The following RBBP8 variants were observed in gnomAD, a reference collection of about 807,000 sequenced individuals.
The protein encoded by RBBP8 is RB binding protein 8, endonuclease.
In RBBP8, 88 loss-of-function variants were observed where a neutral mutation model predicts 108.3. The observed-to-expected ratio is 0.81, with a 90% CI of 0.68 to 0.97. RBBP8 has a LOEUF of 0.97. RBBP8 is among the 50% of genes least tolerant of loss of function. The pLI is 0.00. For missense variants in RBBP8, 1,023 were observed against 1,049.0 expected (o/e 0.98, Z 0.34); for synonymous variants, 332 against 348.2 (o/e 0.95, Z 0.52).
chr18:23,006,369 G>T lies in RBBP8; in HGVS notation c.2294G>T (p.Gly765Val), dbSNP rs1472778923. 3.1e-6 allele frequency: 5 copies of T among 1,612,496 alleles called. No homozygotes were observed. Among genetic ancestry groups the T allele is most frequent in the Non-Finnish European group, 4.2e-6 (5 of 1,178,768 alleles). The change falls in exon 16 of 19, where the codon GGT (glycine) becomes GTT (valine). Residue 765 changes from glycine (G) to valine (V), a missense_variant. Physicochemically the swap from Gly to Val is moderately radical, Grantham distance 109 (BLOSUM62 -3). Transcript: ENST00000327155. ...STATKKLHTH[G>V]DKQDKVKQKA... is the part of the protein sequence containing the mutation. ...GTGCATGTTTTATTTATAGCTCATG[G>T]TGATAAACAAGACAAAGTCAAGCAG...
chr18:22,994,467 C>T (rs2045817113), intron 12 of RBBP8, among the ~76,000 whole-genome samples: 1 of 148,432 alleles, frequency 6.7e-6, no homozygotes. Flanking sequence ...GTGGTGAAAC[C>T]CCATCTCTAC....
upstream of RBBP8, among the ~76,000 whole-genome samples, chr18:22,932,970 C>G (rs1024640607): frequency 6.6e-6 from 1 of 152,232 alleles, no homozygotes; most frequent in Non-Finnish European, 1.5e-5. Context: ...TTAGACGGAT[C>G]CGCGTCCATA....
At chr18:22,968,597 A>G (rs1379961243) in intron 4 of RBBP8, among the ~76,000 whole-genome samples, 1 of 152,216 alleles carries the variant, frequency 6.6e-6, no homozygotes, top group Admixed American at 6.5e-5. Context: ...AAATTGGCAG[A>G]TTTTTATAGA....
chr18:22,947,355 C>G (rs1489786904), intron 3 of RBBP8, among the ~76,000 whole-genome samples: 2 of 151,864 alleles, frequency 1.3e-5, no homozygotes, highest in Non-Finnish European at 2.9e-5. Context: ...CTATCCCTCC[C>G]TATAGATCCC....
Position 22,915,070 on chromosome 18 carries a change from T to C in RBBP8, c.-305-350T>C, listed in dbSNP as rs1209288170. ...CCTTTAGATTTATGTTGGCATACCATCCTACCCCTTTATTTACTGATATTA... is the reference window on the plus strand; with the variant it reads ...CCTTTAGATTTATGTTGGCATACCACCCTACCCCTTTATTTACTGATATTA... On this transcript the variant is annotated intron_variant, in intron 1 of 4. Coordinates refer to the RBBP8 transcript ENST00000577588. Among the ~76,000 whole-genome samples, 4 of 152,178 alleles carry C rather than the reference T, an allele frequency of 2.6e-5. No individual in the cohort carries two copies. In the South Asian group the frequency reaches 6.2e-4, roughly 24 times the overall value.
chr18:22,925,349 G>A (rs1909754588), intron 3 of RBBP8, among the ~76,000 whole-genome samples: 3 of 152,080 alleles, frequency 2.0e-5, no homozygotes, highest in Admixed American at 6.5e-5. Flanking sequence ...AGTACTGAAC[G>A]TTGAACATAA....
intron 4 of RBBP8, among the ~76,000 whole-genome samples, chr18:22,968,306 C>T (rs897268478): frequency 6.6e-6 from 1 of 151,838 alleles, no homozygotes; most frequent in Non-Finnish European, 1.5e-5. Flanking sequence ...CTCCTGACCT[C>T]ATGATCCTGT....
chr18:22,984,083 A>T (rs532236498), intron 7 of RBBP8, among the ~76,000 whole-genome samples: 2 of 151,990 alleles, frequency 1.3e-5, no homozygotes, highest in South Asian at 4.2e-4. Flanking sequence ...TCCATCTCAA[A>T]AATAATAATA....
At chr18:22,935,491 A>G (rs930485754) in intron 1 of RBBP8, among the ~76,000 whole-genome samples, 2 of 152,052 alleles carry the variant, frequency 1.3e-5, no homozygotes, top group African/African-American at 2.4e-5. Flanking sequence ...ATTTTTTAAA[A>G]GTCTAATCAC....
Position 22,991,011 on chromosome 18 carries a change from T to C in RBBP8, c.882T>C (p.Pro294=), listed in dbSNP as rs747542658. Reference sequence around the variant, plus strand: ...TGGAAGGAAATCACAAGAAACAGCCTTTTGAGGAATCTACAAGAAATACTG... The same window carrying C: ...TGGAAGGAAATCACAAGAAACAGCCCTTTGAGGAATCTACAAGAAATACTG... ...HCLEGNHKKQ[P]FEESTRNTED... The change falls in exon 10 of 19, where the codon CCT becomes CCC. Residue 294 remains proline, a synonymous_variant. Transcript: ENST00000327155. 6.2e-7 allele frequency: 1 copy of C among 1,613,574 alleles called. No homozygotes were observed. The highest frequency in any genetic ancestry group is 8.5e-7 in the Non-Finnish European group (1 of 1,179,636).
chr18:23,026,053 G>A, intron 18 of RBBP8, 90 bp from the exon 19 acceptor site: 1 of 1,000,794 alleles, frequency 1.0e-6, no homozygotes, highest in South Asian at 1.4e-5. Flanking sequence ...AACTTACAAA[G>A]CATCAAATAA....
At chr18:22,960,146 G>A (rs1281005248) in intron 4 of RBBP8, among the ~76,000 whole-genome samples, 1 of 151,990 alleles carries the variant, frequency 6.6e-6, no homozygotes, top group Non-Finnish European at 1.5e-5. Flanking sequence ...GCCCACCTCG[G>A]CCTCCCAAAG....
At chr18:22,930,701 G>A (rs1157903668), upstream of RBBP8, among the ~76,000 whole-genome samples, 1 of 152,124 alleles carries the variant, frequency 6.6e-6, no homozygotes, top group Non-Finnish European at 1.5e-5. Context: ...TTCATTCATA[G>A]AATATTGATT....
At chr18:23,008,509 T>C (rs1385691941) in intron 16 of RBBP8, among the ~76,000 whole-genome samples, 2 of 152,180 alleles carry the variant, frequency 1.3e-5, no homozygotes, top group Admixed American at 6.5e-5. Context: ...TTAAGTATAT[T>C]TGATGTGTTG....
chr18:23,015,528 T>C (rs904682644), intron 16 of RBBP8, among the ~76,000 whole-genome samples: 1 of 151,996 alleles, frequency 6.6e-6, no homozygotes, highest in Non-Finnish European at 1.5e-5. Flanking sequence ...ATAAAATCTT[T>C]TCCCAGACCA....
chr18:22,953,309 G>A (rs1567956537), intron 4 of RBBP8, among the ~76,000 whole-genome samples: 1 of 152,170 alleles, frequency 6.6e-6, no homozygotes, highest in Non-Finnish European at 1.5e-5. Context: ...TGGAGCCAGG[G>A]ATTTTATTCT....
At chr18:22,982,182 T>C (rs756423611) in intron 6 of RBBP8, 36 bp from the exon 7 acceptor site, 2 of 1,588,988 alleles carry the variant, frequency 1.3e-6, no homozygotes, top group South Asian at 2.2e-5. Flanking sequence ...TAATACTCAT[T>C]GAATTGATTT....
chr18:22,999,192 G>C (rs1043438514), intron 14 of RBBP8, among the ~76,000 whole-genome samples: 1 of 152,198 alleles, frequency 6.6e-6, no homozygotes, highest in Non-Finnish European at 1.5e-5. Context: ...GCTACATAAT[G>C]AATGAATCAC....
At chr18:22,924,135 T>TTTTG (rs1555630322) in intron 3 of RBBP8, among the ~76,000 whole-genome samples, 1 of 142,586 alleles carries the variant, frequency 7.0e-6, no homozygotes, top group African/African-American at 2.6e-5. Context: ...TGGTTTTTTT[T>TTTTG]TTTTTTTTTT....
Sources: allele counts gnomAD v4.1 joint callset (sites outside exome capture counted in the v4.1 genomes callset), GRCh38; gene constraint gnomAD v4.1.1; transcripts MANE v1.5; gene names NCBI Gene and HGNC (gene_info 2026-07-23, HGNC 2026-07-21).